The following FMN1 variants were observed in gnomAD, a reference collection of about 807,000 sequenced individuals.
The protein encoded by FMN1 is formin 1.
FMN1 carries 110 observed loss-of-function variants against 132.4 expected under a neutral mutation model. That is an observed-to-expected ratio of 0.83 (90% confidence interval 0.71 to 0.97). FMN1 has a LOEUF of 0.97. Ranked by LOEUF, FMN1 falls within the 50% of genes least tolerant of loss-of-function variation. The pLI is 0.00. For synonymous variants in FMN1, 722 were observed against 651.7 expected, an observed-to-expected ratio of 1.11 and a Z score of -1.64; for missense variants, 1,792 against 1,705.3, an observed-to-expected ratio of 1.05 and a Z score of -0.90.
chr15:32,833,408 C>G (rs564486823), intron 17 of FMN1, among the ~76,000 whole-genome samples: 8 of 152,000 alleles, frequency 5.3e-5, no homozygotes, highest in Non-Finnish European at 1.0e-4. Context: ...GGGAGAAGAC[C>G]CACAGAAAGC....
chr15:33,001,445 G>A (rs190865244), intron 7 of FMN1, among the ~76,000 whole-genome samples: 20 of 152,202 alleles, frequency 1.3e-4, no homozygotes, highest in African/African-American at 4.1e-4. Context: ...AATCTCCAGC[G>A]GGAGGGTGGT....
rs556483921 is a variant in FMN1 at position 33,154,616 on chromosome 15, T to C, written c.299A>G (p.Asn100Ser). The stretch of plus-strand genomic sequence containing the variant: ...CAGGATGTGGTCTGAGCTCAGGAGA[T>C]TGGTTAGCAGTCTCTCCCTCTCTGT... ...LTTERERLLT[N>S]LLSSDHILGI... Residue 100 changes from asparagine to serine, a missense_variant, in exon 4 of 21, where the codon AAT (asparagine) becomes AGT (serine). Physicochemically the swap from Asn to Ser is conservative, Grantham distance 46. Transcript: ENST00000616417. 264 of 1,535,972 alleles carry C rather than the reference T, an allele frequency of 1.7e-4. No homozygotes were observed. The highest frequency in any genetic ancestry group is 2.2e-4 in the Non-Finnish European group (250 of 1,146,900).
At chr15:32,919,305 A>G (rs2060762524) in intron 10 of FMN1, among the ~76,000 whole-genome samples, 5 of 152,232 alleles carry the variant, frequency 3.3e-5, no homozygotes, top group Admixed American at 3.3e-4. Context: ...TAGAGCAGAC[A>G]CTTTGGTTGC....
chr15:32,968,411 T>C lies in FMN1; in HGVS notation c.2987+303A>G, dbSNP rs567403947. 2.6e-5 allele frequency among the ~76,000 whole-genome samples: 4 copies of C among 152,308 alleles called. No individual in the cohort carries two copies. The East Asian group carries it at 5.8e-4, about 22-fold the overall frequency. ...TGATTACTAATCAATTGTAGTGATG[T>C]TGGGGAAAGCTTTGGCTTAGATCCG... On this transcript the variant is annotated intron_variant, in intron 8 of 20. Transcript: ENST00000616417.
At chr15:33,161,388 G>C (rs1566960616) in intron 3 of FMN1, among the ~76,000 whole-genome samples, 1 of 152,100 alleles carries the variant, frequency 6.6e-6, no homozygotes, top group Non-Finnish European at 1.5e-5. Flanking sequence ...CTATCTCCTG[G>C]GCTATAGTTT....
chr15:32,956,685 C>T (rs1391259030), intron 9 of FMN1, among the ~76,000 whole-genome samples: 4 of 152,186 alleles, frequency 2.6e-5, no homozygotes, highest in African/African-American at 9.7e-5. Flanking sequence ...CAGTTGTCAA[C>T]ACGTGAAAAA....
Position 32,769,007 on chromosome 15 carries a change from C to T in FMN1, c.*5303G>A, listed in dbSNP as rs1217798929. Reference sequence around the variant, plus strand: ...AAAGGTCTTCTATGGCCCTGGTTATCACCATAGTTAGGAGAAGGGCTGGGG... The same window carrying T: ...AAAGGTCTTCTATGGCCCTGGTTATTACCATAGTTAGGAGAAGGGCTGGGG... On this transcript the variant is annotated 3_prime_UTR_variant, in exon 21 of 21. Coordinates refer to ENST00000616417, the MANE Select transcript of FMN1 (RefSeq NM_001277313.2). 1 of 71,458 alleles carries T rather than the reference C, an allele frequency of 1.4e-5. No homozygotes were observed. Among genetic ancestry groups the T allele is most frequent in the East Asian group, 3.3e-4 (1 of 3,012 alleles). The allele number at this position is 71,458 out of a possible 1,614,324, so 4.4% of individuals were successfully genotyped here. A position where few individuals can be genotyped will look rare whatever the true frequency, so the allele number is the denominator to read the frequency against.
At chr15:33,062,596 T>C (rs974803981) in intron 6 of FMN1, 4 of 152,326 alleles carry the variant, frequency 2.6e-5, no homozygotes, top group African/African-American at 9.6e-5. Flanking sequence ...CACTCCAGCC[T>C]GGGCGACAGA....
At chr15:33,099,295 A>C (rs1461269997) in intron 4 of FMN1, among the ~76,000 whole-genome samples, 4 of 152,020 alleles carry the variant, frequency 2.6e-5, no homozygotes, top group Admixed American at 2.0e-4. Flanking sequence ...TGTCTCAAAT[A>C]AGTCAATCTA....
chr15:33,012,489 T>C lies in FMN1; in HGVS notation c.2162-4414A>G, dbSNP rs1053863939. On this transcript the variant is annotated intron_variant, in intron 6 of 20. Transcript: ENST00000616417. ...AAGAACATCACCTAAGAGATTATTT[T>C]CAACAGTATGGAAAAATGGAAGTGA... The C allele has an allele frequency of 6.3e-6, 8 of 1,278,824 alleles. No homozygotes were observed. The African/African-American group carries it at 1.2e-4, about 19-fold the overall frequency. The allele number at this position is 1,278,824 out of a possible 1,614,324, so 79.2% of individuals were successfully genotyped here.
chr15:32,894,855 A>G (rs373649535), intron 15 of FMN1, among the ~76,000 whole-genome samples: 1 of 108,410 alleles, frequency 9.2e-6, no homozygotes, highest in Non-Finnish European at 2.0e-5. Flanking sequence ...TATTCTGTGT[A>G]TTTATATTTA....
chr15:32,885,615 A>G (rs2059879180), intron 16 of FMN1, among the ~76,000 whole-genome samples: 1 of 152,218 alleles, frequency 6.6e-6, no homozygotes, highest in Admixed American at 6.5e-5. Context: ...CACTTGATAG[A>G]TAATAATGAC....
intron 6 of FMN1, among the ~76,000 whole-genome samples, chr15:33,026,753 AAGTC>A (rs149361681): frequency 0.011 from 1,728 of 152,246 alleles, 38 homozygotes; most frequent in African/African-American, 0.04. Context: ...AGGCAGGTGA[AAGTC>A]AGCCAGATTT....
At chr15:32,795,632 A>C (rs1489215970) in intron 19 of FMN1, among the ~76,000 whole-genome samples, 1 of 151,650 alleles carries the variant, frequency 6.6e-6, no homozygotes, top group African/African-American at 2.4e-5. Flanking sequence ...GCCTGTTTTC[A>C]GCTCTCTGTC....
intron 8 of FMN1, among the ~76,000 whole-genome samples, chr15:32,966,149 C>T (rs2031203088): frequency 6.6e-6 from 1 of 152,074 alleles, no homozygotes; most frequent in Non-Finnish European, 1.5e-5. Flanking sequence ...TGCTCAGCCC[C>T]ATCCCCACTT....
chr15:32,956,357 ACT>A (rs1428507547), intron 9 of FMN1, among the ~76,000 whole-genome samples: 3 of 136,320 alleles, frequency 2.2e-5, no homozygotes, highest in African/African-American at 6.4e-5. Context: ...AGTCCTAACC[ACT>A]CTTTTTTTTT....
At chr15:32,901,026 CACCTGTAATCCCAGCT>C (rs1386333132) in intron 13 of FMN1, among the ~76,000 whole-genome samples, 1 of 151,998 alleles carries the variant, frequency 6.6e-6, no homozygotes, top group African/African-American at 2.4e-5. Flanking sequence ...TGATGGCAGG[CACCTGTAATCCCAGCT>C]ACCTGGGAGG....
At chr15:32,874,015 TTG>T (rs1491457045) in intron 16 of FMN1, among the ~76,000 whole-genome samples, 314 of 137,708 alleles carry the variant, frequency 2.3e-3, no homozygotes, top group African/African-American at 8.8e-3. Context: ...TTTATTTTAG[TTG>T]TTTTTTTTTT....
chr15:32,876,970 A>G (rs2059651734), intron 16 of FMN1, among the ~76,000 whole-genome samples: 4 of 152,290 alleles, frequency 2.6e-5, no homozygotes, highest in South Asian at 2.1e-4. Context: ...ACCACACTGG[A>G]TAAGCGCTCT....
Sources: gnomAD v4.1 joint callset for allele counts (sites outside exome capture counted in the v4.1 genomes callset) on GRCh38, gnomAD v4.1.1 for gene constraint, MANE v1.5 for transcripts, NCBI Gene and HGNC (gene_info 2026-07-23, HGNC 2026-07-21) for gene names.